Variants in DPP10 observed in about 807,000 individuals in gnomAD.
DPP10 encodes the protein inactive dipeptidyl peptidase 10.
In DPP10, 33 loss-of-function variants were observed where a neutral mutation model predicts 120.9. The ratio of observed to expected loss-of-function variants is 0.27; its 90% CI spans 0.21 to 0.37. DPP10 has a LOEUF of 0.37. Ranked by LOEUF, DPP10 falls within the 10% of genes least tolerant of loss-of-function variation. The pLI is 1.00. For synonymous variants in DPP10, 337 were observed against 326.1 expected (o/e 1.03, Z -0.36); for missense variants, 816 against 942.8 (o/e 0.87, Z 1.76).
intron 1 of DPP10, among the ~76,000 whole-genome samples, chr2:114,584,565 G>T (rs141450191): frequency 1.8e-4 from 20 of 109,542 alleles, no homozygotes; most frequent in African/African-American, 5.6e-4. Flanking sequence ...CCCACAACAG[G>T]CCCCAGAGTG....
intron 1 of DPP10, among the ~76,000 whole-genome samples, chr2:114,493,600 A>G (rs1420406163): frequency 6.7e-6 from 1 of 149,496 alleles, no homozygotes; most frequent in East Asian, 2.0e-4. Context: ...GATGCAATGA[A>G]GTAGCAGAGA....
At chr2:115,121,005 T>A (rs1183009897) in intron 1 of DPP10, among the ~76,000 whole-genome samples, 1 of 152,202 alleles carries the variant, frequency 6.6e-6, no homozygotes, top group Non-Finnish European at 1.5e-5. Context: ...GAAGTTATTC[T>A]CCCTCAAGGG....
intron 3 of DPP10, among the ~76,000 whole-genome samples, chr2:115,362,638 C>A (rs540714400): frequency 5.9e-5 from 9 of 152,128 alleles, no homozygotes; most frequent in African/African-American, 2.2e-4. Flanking sequence ...ATAGTGGATA[C>A]GAAATTATTA....
chr2:115,329,047 T>A (rs1169565622), intron 2 of DPP10, among the ~76,000 whole-genome samples: 1 of 152,096 alleles, frequency 6.6e-6, no homozygotes, highest in African/African-American at 2.4e-5. Context: ...GGTGGTAAAC[T>A]TCTTGCAGAT....
At chr2:114,947,876 G>C (rs72832485) in intron 1 of DPP10, among the ~76,000 whole-genome samples, 3,783 of 151,780 alleles carry the variant, frequency 0.025, 64 homozygotes, top group Admixed American at 0.031. Context: ...TTGGCTTTTT[G>C]TGTTATTGAA....
chr2:114,821,529 A>G (rs933211283), intron 1 of DPP10, among the ~76,000 whole-genome samples: 1 of 152,136 alleles, frequency 6.6e-6, no homozygotes, highest in African/African-American at 2.4e-5. Flanking sequence ...ACACAACCCC[A>G]CTTTCCCAAC....
chr2:114,717,574 A>C (rs903537754), intron 1 of DPP10, among the ~76,000 whole-genome samples: 2 of 152,216 alleles, frequency 1.3e-5, no homozygotes, highest in African/African-American at 4.8e-5. Context: ...GTAAACCTTT[A>C]AAAATAATGT....
intron 1 of DPP10, among the ~76,000 whole-genome samples, chr2:115,081,765 C>A (rs1464554018): frequency 6.6e-6 from 1 of 152,154 alleles, no homozygotes; most frequent in Non-Finnish European, 1.5e-5. Context: ...GCATCAAGTT[C>A]AAGACGTGGT....
intron 3 of DPP10, among the ~76,000 whole-genome samples, chr2:115,465,810 A>G (rs1391222890): frequency 6.8e-6 from 1 of 146,832 alleles, no homozygotes; most frequent in Non-Finnish European, 1.5e-5. Context: ...TGACAGAGTG[A>G]GGCTTCATCT....
At chr2:115,400,952 A>C (rs959675986) in intron 3 of DPP10, among the ~76,000 whole-genome samples, 1 of 152,196 alleles carries the variant, frequency 6.6e-6, no homozygotes, top group Non-Finnish European at 1.5e-5. Context: ...TGCCAGCTAA[A>C]AGTGAGTACT....
At chr2:114,662,655 G>C (rs1175937812) in intron 1 of DPP10, among the ~76,000 whole-genome samples, 1 of 152,160 alleles carries the variant, frequency 6.6e-6, no homozygotes, top group Admixed American at 6.5e-5. Context: ...AGCACCCCAG[G>C]AGCTCCAGAA....
chr2:114,716,519 T>C (rs1391794473), intron 1 of DPP10, among the ~76,000 whole-genome samples: 6 of 152,202 alleles, frequency 3.9e-5, no homozygotes, highest in African/African-American at 1.4e-4. Context: ...CTTCGTAAAA[T>C]ACTTTATGTA....
chr2:115,792,621 A>G (rs1002844644), intron 19 of DPP10, among the ~76,000 whole-genome samples: 1 of 151,640 alleles, frequency 6.6e-6, no homozygotes, highest in Admixed American at 6.6e-5. Context: ...TTCTTAATTC[A>G]TTGTTTTTTT....
intron 5 of DPP10, among the ~76,000 whole-genome samples, chr2:115,688,699 A>T (rs1308512405): frequency 6.6e-6 from 1 of 152,108 alleles, no homozygotes; most frequent in African/African-American, 2.4e-5. Flanking sequence ...CTATTTCATC[A>T]TCTCATTATT....
At chr2:115,575,064 C>A (rs916019537) in intron 5 of DPP10, among the ~76,000 whole-genome samples, 6 of 152,172 alleles carry the variant, frequency 3.9e-5, no homozygotes, top group African/African-American at 9.7e-5. Context: ...ACATTACCTT[C>A]CTGTGATTGA....
At chr2:115,043,618 T>G (rs1447261852) in intron 1 of DPP10, among the ~76,000 whole-genome samples, 2 of 152,210 alleles carry the variant, frequency 1.3e-5, no homozygotes, top group Non-Finnish European at 2.9e-5. Context: ...GTTCTAGATT[T>G]TTTAATTCTC....
chr2:114,734,461 G>A (rs1677225431), intron 1 of DPP10, among the ~76,000 whole-genome samples: 1 of 152,082 alleles, frequency 6.6e-6, no homozygotes, highest in Non-Finnish European at 1.5e-5. Flanking sequence ...CTATAGCCTG[G>A]AAACCCCCAC....
intron 1 of DPP10, among the ~76,000 whole-genome samples, chr2:114,846,241 T>C (rs1373531177): frequency 1.3e-5 from 2 of 152,170 alleles, no homozygotes; most frequent in Non-Finnish European, 2.9e-5. Flanking sequence ...TCACAAATGC[T>C]GTCTCACCCC....
chr2:115,624,816 T>C, intron 5 of DPP10, among the ~76,000 whole-genome samples: 1 of 152,160 alleles, frequency 6.6e-6, no homozygotes, highest in East Asian at 1.9e-4. Context: ...TCTTTCTTAG[T>C]ATGTCACAGT....
Sources: allele counts gnomAD v4.1 joint callset (sites outside exome capture counted in the v4.1 genomes callset), GRCh38; gene constraint gnomAD v4.1.1; transcripts MANE v1.5; gene names NCBI Gene and HGNC (gene_info 2026-07-23, HGNC 2026-07-21).